The following LDLRAD4 variants were observed in gnomAD, a reference collection of about 807,000 sequenced individuals.
The protein encoded by LDLRAD4 is low-density lipoprotein receptor class A domain-containing protein 4.
Under a neutral mutation model 17.0 loss-of-function variants are expected in LDLRAD4, and 5 were observed. That is an observed-to-expected ratio of 0.29 (90% confidence interval 0.15 to 0.62). The LOEUF is 0.62. Ranked by LOEUF, LDLRAD4 falls within the 20% of genes least tolerant of loss-of-function variation. LDLRAD4 has a pLI of 0.84. For missense variants in LDLRAD4, 340 were observed against 424.7 expected, an observed-to-expected ratio of 0.80 and a Z score of 1.75; for synonymous variants, 168 against 171.8, an observed-to-expected ratio of 0.98 and a Z score of 0.17.
chr18:13,503,821 C>T (rs2093650103), intron 3 of LDLRAD4, among the ~76,000 whole-genome samples: 1 of 151,164 alleles, frequency 6.6e-6, no homozygotes, highest in African/African-American at 2.4e-5. Flanking sequence ...TTAAAAATGA[C>T]TCAAAAGAAA....
intron 2 of LDLRAD4, among the ~76,000 whole-genome samples, chr18:13,396,969 A>T (rs540777559): frequency 6.6e-6 from 1 of 152,340 alleles, no homozygotes; most frequent in Admixed American, 6.5e-5. Flanking sequence ...AATTCCTTTA[A>T]AGAAGCTATA....
intron 1 of LDLRAD4, among the ~76,000 whole-genome samples, chr18:13,235,296 T>A (rs370333944): frequency 6.6e-6 from 1 of 152,158 alleles, no homozygotes; most frequent in Non-Finnish European, 1.5e-5. Flanking sequence ...ATTAAATTCA[T>A]CATATGTAGA....
At chr18:13,504,316 A>C (rs887067895) in intron 3 of LDLRAD4, among the ~76,000 whole-genome samples, 3 of 152,262 alleles carry the variant, frequency 2.0e-5, no homozygotes, top group African/African-American at 7.2e-5. Flanking sequence ...CATTCTCCAG[A>C]TGAAGACCAT....
chr18:13,450,459 G>T (rs973813663), intron 3 of LDLRAD4, among the ~76,000 whole-genome samples: 1 of 152,178 alleles, frequency 6.6e-6, no homozygotes, highest in Non-Finnish European at 1.5e-5. Context: ...CATGTTTGGG[G>T]TAGTCACTTG....
intron 2 of LDLRAD4, among the ~76,000 whole-genome samples, chr18:13,397,895 A>G (rs1412423788): frequency 1.3e-5 from 2 of 152,242 alleles, no homozygotes; most frequent in Non-Finnish European, 2.9e-5. Context: ...ATCTCAGCGC[A>G]CGCTGTTTCA....
chr18:13,643,383 A>G lies in LDLRAD4; in HGVS notation c.361A>G (p.Ser121Gly), dbSNP rs768841897. 33 of 1,266,778 alleles carry G rather than the reference A, an allele frequency of 2.6e-5. No homozygotes were observed. The African/African-American group carries it at 4.2e-4, about 16-fold the overall frequency. The allele number at this position is 1,266,778 out of a possible 1,614,324, so 78.5% of individuals were successfully genotyped here. ...GGAAGGGTGCCTGTGGCCTTCAGAC[A>G]GCGCCGCACCGCGGCTGGGCGCCTC... is the stretch of plus-strand genomic sequence containing the variant. Residue 121 changes from serine (S) to glycine (G), a missense_variant, in exon 5 of 6, where the codon AGC (serine) becomes GGC (glycine). By Grantham distance (56) the Ser-to-Gly change is moderately conservative (BLOSUM62 0). Coordinates refer to ENST00000359446, the Ensembl canonical transcript of LDLRAD4.
rs148982052 is a variant in LDLRAD4 at position 13,395,172 on chromosome 18, T to G, written c.40+7410T>G. 8.5e-5 allele frequency among the ~76,000 whole-genome samples: 13 copies of G among 152,080 alleles called. 1 individual carries two copies. The East Asian group carries it at 2.5e-3, about 30-fold the overall frequency. On this transcript the variant is annotated intron_variant, in intron 2 of 5. Transcript: ENST00000359446. ...TGAGGTAGAGATAATGGCCAGTGAGTAGGTTCTGTATAAAGATTAAGTGAA... is the reference window on the plus strand; with the variant it reads ...TGAGGTAGAGATAATGGCCAGTGAGGAGGTTCTGTATAAAGATTAAGTGAA...
chr18:13,312,011 A>G (rs1462388706), intron 1 of LDLRAD4, among the ~76,000 whole-genome samples: 32 of 151,694 alleles, frequency 2.1e-4, no homozygotes, highest in Admixed American at 1.8e-3. Context: ...TTTCTTTTGT[A>G]TTTTTAGTAG....
rs147943603 is a variant in LDLRAD4, at chr18:13,458,381, C to T, written c.181+19997C>T. Among the ~76,000 whole-genome samples the T allele has an allele frequency of 3.0e-3, 455 of 152,334 alleles. 3 individuals carry two copies. Among genetic ancestry groups the T allele is most frequent in the African/African-American group, 0.01 (416 of 41,574 alleles). ...GAGGAAGGGGAATGAGTCTTCTGTG[C>T]GTAAATCTTTCCACAAGCACCATCC... On this transcript the variant is annotated intron_variant, in intron 3 of 5. Coordinates refer to ENST00000359446, the Ensembl canonical transcript of LDLRAD4.
chr18:13,383,829 G>A (rs189390841), intron 1 of LDLRAD4, among the ~76,000 whole-genome samples: 128 of 152,252 alleles, frequency 8.4e-4, no homozygotes, highest in Non-Finnish European at 1.7e-3. Flanking sequence ...GTCTTTCACT[G>A]AGCAGAACGA....
rs75102825 is a variant in LDLRAD4, at chr18:13,622,314, G to C, written c.336+1043G>C. ...CATATGGGCAGAGCTGAGGTTTGCT[G>C]TCTGCTCTGCAGCTCCTGCAGGTAG... On this transcript the variant is annotated intron_variant, in intron 4 of 5. Transcript: ENST00000359446. This position sits in a 1 kb window ranked among gnomAD's most constrained non-coding sequence, Gnocchi z 5.3. Among the ~76,000 whole-genome samples the C allele has an allele frequency of 0.016, 2,461 of 152,314 alleles. 81 individuals carry two copies. The highest frequency in any genetic ancestry group is 0.056 in the African/African-American group (2,307 of 41,558).
At chr18:13,357,472 C>T (rs2083417316) in intron 1 of LDLRAD4, among the ~76,000 whole-genome samples, 1 of 151,612 alleles carries the variant, frequency 6.6e-6, no homozygotes, top group Middle Eastern at 3.5e-3. Flanking sequence ...TCTAGAGGTT[C>T]CTTCACCCTG....
intron 3 of LDLRAD4, among the ~76,000 whole-genome samples, chr18:13,558,820 T>C (rs979468480): frequency 2.0e-5 from 3 of 152,236 alleles, no homozygotes; most frequent in Admixed American, 6.5e-5. Context: ...CTGCCACCAT[T>C]GCTTTCTGTT....
At chr18:13,586,124 G>A (rs2094929461) in intron 3 of LDLRAD4, among the ~76,000 whole-genome samples, 1 of 152,038 alleles carries the variant, frequency 6.6e-6, no homozygotes, top group Non-Finnish European at 1.5e-5. Flanking sequence ...AATAGAAACT[G>A]AGGGCGGGGC....
At chr18:13,423,382 A>G (rs1270565162) in intron 2 of LDLRAD4, among the ~76,000 whole-genome samples, 7 of 151,902 alleles carry the variant, frequency 4.6e-5, no homozygotes, top group Non-Finnish European at 5.9e-5. Context: ...AATCCTAGCT[A>G]CTTAGGAAGC....
intron 3 of LDLRAD4, among the ~76,000 whole-genome samples, chr18:13,498,040 G>GCA (rs2093510841): frequency 1.0e-5 from 1 of 95,640 alleles, no homozygotes; most frequent in African/African-American, 4.5e-5. Context: ...CTCCACACAC[G>GCA]TCCCGCCATG....
At chr18:13,387,535 A>T in exon 2 of LDLRAD4, 1 of 561,358 alleles carries the variant, frequency 1.8e-6, no homozygotes, top group South Asian at 2.0e-5. Context: ...GCCGCCGCCC[A>T]GGTGCCACAC....
At chr18:13,619,753 C>T (rs2040440580) in intron 3 of LDLRAD4, among the ~76,000 whole-genome samples, 1 of 152,114 alleles carries the variant, frequency 6.6e-6, no homozygotes, top group African/African-American at 2.4e-5. Context: ...GCCTCTGAGC[C>T]TCTGAGCATG....
Position 13,454,308 on chromosome 18 carries a change from A to T in LDLRAD4, c.181+15924A>T, listed in dbSNP as rs571687429. ...TTTCTGAGCACTAGAAAGGGGTTCCAAATGCATTGTCTAAATTTGTGAAAG... is the reference window on the plus strand; with the variant it reads ...TTTCTGAGCACTAGAAAGGGGTTCCTAATGCATTGTCTAAATTTGTGAAAG... On this transcript the variant is annotated intron_variant, in intron 3 of 5. Transcript: ENST00000359446. Among the ~76,000 whole-genome samples the T allele has an allele frequency of 4.6e-5, 7 of 152,218 alleles. 1 individual carries two copies. In the South Asian group the frequency reaches 1.4e-3, roughly 31 times the overall value.
Sources: allele counts gnomAD v4.1 joint callset (sites outside exome capture counted in the v4.1 genomes callset), GRCh38; gene constraint gnomAD v4.1.1; non-coding constraint Gnocchi (gnomAD v3.1); transcripts MANE v1.5; gene names NCBI Gene and HGNC (gene_info 2026-07-23, HGNC 2026-07-21).